The following ANK2 variants were observed in gnomAD, a reference collection of about 807,000 sequenced individuals.
ANK2 encodes ankyrin-2.
ANK2 carries 83 observed loss-of-function variants against 360.5 expected under a neutral mutation model. That is an observed-to-expected ratio of 0.23 (90% CI 0.19 to 0.28). ANK2 has a LOEUF of 0.28. Among genes scored for constraint, ANK2 ranks in the 10% least tolerant of loss-of-function variants. The pLI is 1.00. For synonymous variants in ANK2, 1,740 were observed against 1,759.5 expected (o/e 0.99, Z 0.28); for missense variants, 4,201 against 4,795.7 (o/e 0.88, Z 3.66).
At chr4:112,902,325 C>T (rs1362465614) in intron 1 of ANK2, among the ~76,000 whole-genome samples, 1 of 152,188 alleles carries the variant, frequency 6.6e-6, no homozygotes, top group African/African-American at 2.4e-5. Context: ...TCAGATGGAA[C>T]ACTTTGCTCA....
chr4:112,751,991 T>G, the ANK2 span, among the ~76,000 whole-genome samples: 1 of 152,246 alleles, frequency 6.6e-6, no homozygotes, highest in Admixed American at 6.5e-5. Flanking sequence ...GAGCATGCTC[T>G]GGTGTTTTTG....
chr4:112,995,913 A>G (rs2048345212), intron 2 of ANK2, among the ~76,000 whole-genome samples: 1 of 152,198 alleles, frequency 6.6e-6, no homozygotes, highest in South Asian at 2.1e-4. Context: ...TGGTATAAGC[A>G]CTTTGGAGAA....
intron 1 of ANK2, among the ~76,000 whole-genome samples, chr4:112,835,117 C>T (rs1191566316): frequency 6.6e-6 from 1 of 152,208 alleles, no homozygotes; most frequent in Non-Finnish European, 1.5e-5. Context: ...GTGTCAGCCT[C>T]ATCTACCATC....
In ANK2 at chr4:113,250,760, C is replaced by CCA. The variant is rs1039843617; in HGVS notation, c.990+899_990+900insAC. ...CCATTCCACCTCATACCACCGCCCC[C>CCA]CCCCCCGACAGAGTTGGTATCAACT... On this transcript the variant is annotated intron_variant, in intron 10 of 45. Transcript: ENST00000357077. Among the ~76,000 whole-genome samples the CCA allele has an allele frequency of 7.3e-5, 10 of 136,710 alleles. 1 individual carries two copies. The highest frequency in any genetic ancestry group is 5.7e-4 in the South Asian group (2 of 3,502). 89.7% of individuals were successfully genotyped at this position (136,710 alleles called of 152,430 possible).
At chr4:113,251,245 A>G (rs914037152) in intron 10 of ANK2, among the ~76,000 whole-genome samples, 1 of 152,162 alleles carries the variant, frequency 6.6e-6, no homozygotes, top group African/African-American at 2.4e-5. Flanking sequence ...TTTGCTTGTA[A>G]TTGTCATGTC....
intron 2 of ANK2, among the ~76,000 whole-genome samples, chr4:112,938,890 CTG>C (rs1000894605): frequency 6.6e-6 from 1 of 152,172 alleles, no homozygotes; most frequent in African/African-American, 2.4e-5. Flanking sequence ...CTGTTGACTA[CTG>C]TGTCTCCAGA....
chr4:113,138,625 A>G (rs2096530893), intron 1 of ANK2, among the ~76,000 whole-genome samples: 1 of 152,194 alleles, frequency 6.6e-6, no homozygotes, highest in South Asian at 2.1e-4. Flanking sequence ...ATATGTGTGT[A>G]TTTTGTAGGG....
chr4:112,893,160 C>G (rs1444533619), intron 1 of ANK2, among the ~76,000 whole-genome samples: 2 of 152,056 alleles, frequency 1.3e-5, no homozygotes, highest in Non-Finnish European at 2.9e-5. Flanking sequence ...TGGTTATTGA[C>G]TAGATTAATA....
intron 2 of ANK2, among the ~76,000 whole-genome samples, chr4:113,008,345 C>T (rs1024271947): frequency 6.6e-6 from 1 of 152,060 alleles, no homozygotes; most frequent in Non-Finnish European, 1.5e-5. Context: ...TTTGCTTTTG[C>T]AAGTGTAGCC....
chr4:113,226,416 T>G (rs192991677), intron 4 of ANK2, among the ~76,000 whole-genome samples: 117 of 152,352 alleles, frequency 7.7e-4, no homozygotes, highest in African/African-American at 2.6e-3. Flanking sequence ...TCCTTCTCTT[T>G]CAAATACCTT....
chr4:112,713,367 C>T, the ANK2 span, among the ~76,000 whole-genome samples: 5 of 152,114 alleles, frequency 3.3e-5, no homozygotes, highest in Non-Finnish European at 7.4e-5. Context: ...GTCGGGCATT[C>T]GAGAGCAGCC....
intron 1 of ANK2, among the ~76,000 whole-genome samples, chr4:113,134,709 T>C (rs1322974826): frequency 6.6e-6 from 1 of 152,186 alleles, no homozygotes; most frequent in African/African-American, 2.4e-5. Context: ...AGCCATAGTC[T>C]CTTTTATTGA....
At chr4:112,774,684 A>G in the ANK2 span, among the ~76,000 whole-genome samples, 1 of 152,210 alleles carries the variant, frequency 6.6e-6, no homozygotes, top group African/African-American at 2.4e-5. Context: ...TCTTTAAAGG[A>G]TAACAAGTGA....
intron 1 of ANK2, among the ~76,000 whole-genome samples, chr4:112,859,823 T>G (rs1267115265): frequency 6.6e-6 from 1 of 152,210 alleles, no homozygotes; most frequent in African/African-American, 2.4e-5. Context: ...GTTTCCTGAA[T>G]TGATAACCTT....
intron 1 of ANK2, among the ~76,000 whole-genome samples, chr4:113,123,211 A>G (rs901726092): frequency 1.3e-5 from 2 of 152,060 alleles, no homozygotes; most frequent in Admixed American, 6.6e-5. Context: ...TCTTTAAAAA[A>G]TCAGAATTAA....
intron 1 of ANK2, among the ~76,000 whole-genome samples, chr4:113,095,270 A>AT (rs1412046838): frequency 6.6e-6 from 1 of 152,014 alleles, no homozygotes; most frequent in Non-Finnish European, 1.5e-5. Flanking sequence ...TTTAGGCTGC[A>AT]TTTTTTTCTA....
intron 4 of ANK2, among the ~76,000 whole-genome samples, chr4:113,231,564 A>G (rs1367608401): frequency 6.6e-6 from 1 of 152,060 alleles, no homozygotes; most frequent in African/African-American, 2.4e-5. Flanking sequence ...TATGTTATGA[A>G]CTTATACAGA....
intron 1 of ANK2, among the ~76,000 whole-genome samples, chr4:113,169,253 C>G (rs1042507098): frequency 2.0e-5 from 3 of 152,088 alleles, no homozygotes; most frequent in Admixed American, 6.6e-5. Flanking sequence ...TTGAGACATA[C>G]AATGACCCAA....
chr4:112,901,730 A>C (rs1215184757), intron 1 of ANK2, among the ~76,000 whole-genome samples: 1 of 151,870 alleles, frequency 6.6e-6, no homozygotes, highest in Non-Finnish European at 1.5e-5. Context: ...GCACGGTGGC[A>C]CGTGCCTGTA....
Sources: allele counts gnomAD v4.1 joint callset (sites outside exome capture counted in the v4.1 genomes callset), GRCh38; gene constraint gnomAD v4.1.1; transcripts MANE v1.5; gene names NCBI Gene and HGNC (gene_info 2026-07-23, HGNC 2026-07-21).